Variants in ZFYVE28 observed in about 807,000 individuals in gnomAD.
The protein encoded by ZFYVE28 is zinc finger FYVE-type containing 28, also known as lateral signaling target protein 2 homolog.
Under a neutral mutation model 82.1 loss-of-function variants are expected in ZFYVE28, and 40 were observed. That is an observed-to-expected ratio of 0.49 (90% CI 0.38 to 0.63). The LOEUF (loss-of-function observed/expected upper bound fraction) is 0.63, where lower values mean the gene tolerates loss of function less well. Ranked by LOEUF, ZFYVE28 falls within the 30% of genes least tolerant of loss-of-function variation. The pLI, the probability that ZFYVE28 is intolerant of heterozygous loss-of-function variation, is 0.00. For synonymous variants in ZFYVE28, 612 were observed against 546.1 expected (o/e 1.12, Z -1.68); for missense variants, 1,321 against 1,242.1 (o/e 1.06, Z -0.96).
intron 1 of ZFYVE28, among the ~76,000 whole-genome samples, chr4:2,366,303 A>G (rs958809229): frequency 6.6e-6 from 1 of 152,246 alleles, no homozygotes; most frequent in South Asian, 2.1e-4. Context: ...CATGTTTCAT[A>G]AGAACCTGCT....
chr4:2,377,927 G>A (rs1350960696), intron 1 of ZFYVE28, among the ~76,000 whole-genome samples: 3 of 152,238 alleles, frequency 2.0e-5, no homozygotes, highest in Admixed American at 1.3e-4. Flanking sequence ...GGTAGAGCCT[G>A]TTGCTCCTGG....
chr4:2,296,662 C>T (rs1714614913), intron 8 of ZFYVE28, among the ~76,000 whole-genome samples: 2 of 152,116 alleles, frequency 1.3e-5, no homozygotes, highest in African/African-American at 2.4e-5. Context: ...GCCACCGGGC[C>T]CCAGACAGTC....
chr4:2,272,424 G>A (rs960864690), intron 10 of ZFYVE28, among the ~76,000 whole-genome samples: 6 of 152,320 alleles, frequency 3.9e-5, no homozygotes, highest in Non-Finnish European at 8.8e-5. Context: ...GGATCCTACA[G>A]GGACCGAGGG....
At chr4:2,273,073 C>T (rs1736059945) in intron 10 of ZFYVE28, 100 bp downstream of exon 10, 11 of 996,586 alleles carry the variant, frequency 1.1e-5, no homozygotes, top group Non-Finnish European at 1.7e-5. Flanking sequence ...GACCCTATCT[C>T]CCCAGGGCCA....
At chr4:2,309,511 A>G (rs1243476152) in intron 7 of ZFYVE28, among the ~76,000 whole-genome samples, 1 of 152,220 alleles carries the variant, frequency 6.6e-6, no homozygotes, top group Non-Finnish European at 1.5e-5. Flanking sequence ...TGCTAAATCT[A>G]CTTATTATTT....
chr4:2,355,473 G>T (rs891468300), intron 1 of ZFYVE28, among the ~76,000 whole-genome samples: 7 of 149,812 alleles, frequency 4.7e-5, no homozygotes, highest in Non-Finnish European at 1.0e-4. Flanking sequence ...GTAGAGATGG[G>T]GTTTTACTAT....
At chr4:2,291,506 C>T (rs78790383) in intron 8 of ZFYVE28, among the ~76,000 whole-genome samples, 2,704 of 152,304 alleles carry the variant, frequency 0.018, 43 homozygotes, top group African/African-American at 0.028. Context: ...CACCCCTTGA[C>T]GGGCTCCCTG....
intron 8 of ZFYVE28, among the ~76,000 whole-genome samples, chr4:2,303,059 A>G (rs1476422921): frequency 1.3e-5 from 2 of 152,236 alleles, no homozygotes; most frequent in African/African-American, 2.4e-5. Context: ...CATCGATGGA[A>G]AGTGACTGAG....
At chr4:2,404,774 T>C (rs935041315) in intron 1 of ZFYVE28, among the ~76,000 whole-genome samples, 5 of 152,094 alleles carry the variant, frequency 3.3e-5, no homozygotes, top group Non-Finnish European at 7.3e-5. Context: ...CTGCACCACA[T>C]TGCGAATACA....
At chr4:2,279,544 C>G (rs1047573161) in intron 8 of ZFYVE28, among the ~76,000 whole-genome samples, 2 of 152,088 alleles carry the variant, frequency 1.3e-5, no homozygotes, top group Non-Finnish European at 2.9e-5. Context: ...CTTTGGGAGG[C>G]CAAGGTGGGC....
intron 8 of ZFYVE28, among the ~76,000 whole-genome samples, chr4:2,277,075 G>A (rs992794013): frequency 2.0e-5 from 3 of 152,232 alleles, no homozygotes; most frequent in Admixed American, 6.5e-5. Flanking sequence ...CCGGATTGGC[G>A]TGGCGCCCGA....
Position 2,304,873 on chromosome 4 carries a change from G to C in ZFYVE28, c.1467C>G (p.Asp489Glu), listed in dbSNP as rs140095568. 10 of 1,612,536 alleles carry C rather than the reference G, an allele frequency of 6.2e-6. No individual in the cohort carries two copies. The South Asian group carries it at 9.9e-5, about 16-fold the overall frequency. Residue 489 changes from aspartate to glutamate, a missense_variant, in exon 8 of 13, where the codon GAC becomes GAG. By Grantham distance (45) the Asp-to-Glu change is conservative. Coordinates refer to ENST00000290974, the MANE Select transcript of ZFYVE28 (RefSeq NM_020972.3). ...CSCLDSRLHL[D>E]GWEVGADDAE... The stretch of plus-strand genomic sequence containing the variant: ...CGTCATCCGCACCCACCTCCCAGCC[G>C]TCCAGGTGCAGCCGCGAGTCCAGGC...
intron 8 of ZFYVE28, among the ~76,000 whole-genome samples, chr4:2,294,369 A>G (rs191408590): frequency 1.2e-3 from 178 of 152,356 alleles, no homozygotes; most frequent in African/African-American, 3.9e-3. Flanking sequence ...CCAACAAATA[A>G]TTCTGGAATA....
intron 1 of ZFYVE28, among the ~76,000 whole-genome samples, chr4:2,392,597 G>A (rs953591465): frequency 6.6e-6 from 1 of 152,106 alleles, no homozygotes; most frequent in Non-Finnish European, 1.5e-5. Flanking sequence ...ATTAAGGGTC[G>A]ATAATAGGAC....
At chr4:2,403,136 T>C (rs1731377725) in intron 1 of ZFYVE28, among the ~76,000 whole-genome samples, 1 of 152,238 alleles carries the variant, frequency 6.6e-6, no homozygotes, top group African/African-American at 2.4e-5. Flanking sequence ...GGCCCAAGCC[T>C]GTGTGGCCCC....
In ZFYVE28 at chr4:2,397,627, A is replaced by G. The variant is rs1453715002; in HGVS notation, c.39+20658T>C. Among the ~76,000 whole-genome samples the G allele has an allele frequency of 1.3e-5, 2 of 152,048 alleles. 1 individual carries two copies. Among genetic ancestry groups the G allele is most frequent in the Admixed American group, 1.3e-4 (2 of 15,268 alleles). ...CCCCACCAGACTACTTTCCATATCT[A>G]TGAACATCATGCCTCTAGGGACCTC... is the stretch of plus-strand genomic sequence containing the variant. On this transcript the variant is annotated intron_variant, in intron 1 of 12. Transcript: ENST00000290974.
chr4:2,274,333 G>C, intron 8 of ZFYVE28, 117 bp from the exon 9 acceptor site: 1 of 1,313,176 alleles, frequency 7.6e-7, no homozygotes, highest in South Asian at 1.5e-5. Flanking sequence ...CCCCACAGGC[G>C]TGTATCTGTT....
chr4:2,345,036 C>A (rs1286113912), intron 2 of ZFYVE28, among the ~76,000 whole-genome samples: 1 of 151,766 alleles, frequency 6.6e-6, no homozygotes, highest in Non-Finnish European at 1.5e-5. Context: ...ACAGTGAAAC[C>A]CCGTCTCTAC....
At chr4:2,412,159 A>T (rs963028861) in intron 1 of ZFYVE28, among the ~76,000 whole-genome samples, 1 of 152,068 alleles carries the variant, frequency 6.6e-6, no homozygotes, top group Non-Finnish European at 1.5e-5. Flanking sequence ...GCAACCAAGT[A>T]CCCGCCACCT....
Sources: allele counts gnomAD v4.1 joint callset (sites outside exome capture counted in the v4.1 genomes callset), GRCh38; gene constraint gnomAD v4.1.1; transcripts MANE v1.5; gene names NCBI Gene and HGNC (gene_info 2026-07-23, HGNC 2026-07-21).